ANK3: variants seen among roughly 807,000 people sequenced by gnomAD.
ANK3 encodes ankyrin 3, also known as ankyrin-3.
Under a neutral mutation model 370.9 loss-of-function variants are expected in ANK3, and 57 were observed. The observed-to-expected ratio is 0.15, with a 90% CI of 0.12 to 0.19. The LOEUF is 0.19. Ranked by LOEUF, ANK3 falls within the 10% of genes least tolerant of loss-of-function variation. ANK3 has a pLI of 1.00. For synonymous variants in ANK3, 1,929 were observed against 1,946.3 expected (o/e 0.99, Z 0.23); for missense variants, 4,439 against 5,302.1 (o/e 0.84, Z 5.06).
intron 2 of ANK3, among the ~76,000 whole-genome samples, chr10:60,589,022 A>C (rs147553126): frequency 6.6e-6 from 1 of 152,212 alleles, no homozygotes. Context: ...CAACATGTAC[A>C]TCCTGATTGT....
Position 60,029,875 on chromosome 10 carries a change from C to CTTTTTTTTTTTTTTTTTT in ANK3, c.*20-67_*20-50dup, listed in dbSNP as rs71015756. ...TGAGTTTAGCTTTCTTTTTCTTTTT[C>CTTTTTTTTTTTTTTTTTT]TTTTTTTTTTTTTTTTTTTTTTTTT... On this transcript the variant is annotated intron_variant, in intron 43 of 43. Coordinates refer to ENST00000280772, the MANE Select transcript of ANK3 (RefSeq NM_020987.5). 79 of 68,652 alleles carry CTTTTTTTTTTTTTTTTTT rather than the reference C, an allele frequency of 1.2e-3. 7 individuals carry two copies. The highest frequency in any genetic ancestry group is 3.0e-3 in the African/African-American group (46 of 15,140). 4.3% of individuals were successfully genotyped at this position (68,652 alleles called of 1,614,324 possible).
intron 1 of ANK3, among the ~76,000 whole-genome samples, chr10:60,309,194 T>G (rs1033922611): frequency 4.6e-5 from 7 of 152,206 alleles, no homozygotes; most frequent in Non-Finnish European, 8.8e-5. Flanking sequence ...GATGAAAGCA[T>G]GCTGATTTTT....
At chr10:60,409,867 T>G (rs750678620) in intron 2 of ANK3, among the ~76,000 whole-genome samples, 2 of 152,196 alleles carry the variant, frequency 1.3e-5, no homozygotes, top group Non-Finnish European at 2.9e-5. Flanking sequence ...ACCAGTGTTC[T>G]TAGCTCAGAA....
In ANK3 at chr10:60,140,407, T is replaced by G. The variant is rs541912574; in HGVS notation, c.2615-1320A>C. 8.1e-6 allele frequency: 13 copies of G among 1,613,666 alleles called. No individual in the cohort carries two copies. The East Asian group carries it at 2.9e-4, about 36-fold the overall frequency. ...GATGATCAAATGTTTTCCTGATGTTTCCAGGAATTCCTTAAGCAGTGATTT... is the reference window on the plus strand; with the variant it reads ...GATGATCAAATGTTTTCCTGATGTTGCCAGGAATTCCTTAAGCAGTGATTT... On this transcript the variant is annotated intron_variant, in intron 23 of 43. Transcript: ENST00000280772.
Position 60,067,960 on chromosome 10 carries a change from G to A in ANK3, c.12294C>T (p.Ala4098=), listed in dbSNP as rs138073935. The change falls in exon 38 of 44, where the codon GCC becomes GCT. Residue 4098 remains alanine (A), a synonymous_variant. Transcript: ENST00000280772. The part of the protein sequence containing the change: ...ERTDIRMAIV[A]DHLGLSWTEL... ...CTGTCCAACTAAGTCCCAGGTGATC[G>A]GCTACTATTGCCATCCTGATATCTG... The A allele has an allele frequency of 3.9e-5, 63 of 1,609,624 alleles. No homozygotes were observed. Among genetic ancestry groups the A allele is most frequent in the African/African-American group, 4.0e-5 (3 of 74,826 alleles).
intron 18 of ANK3, among the ~76,000 whole-genome samples, chr10:60,177,040 T>C (rs149196262): frequency 1.9e-3 from 290 of 152,348 alleles, no homozygotes; most frequent in Non-Finnish European, 2.9e-3. Context: ...CTAGTAAAAC[T>C]GCTTTTTAAT....
In ANK3 at chr10:60,075,605, G is replaced by A. The variant is rs2083614096; in HGVS notation, c.5276C>T (p.Ala1759Val). ...TNSVSSVVSA[A>V]TDTVEKVFST... ...AAACACTTTCTCAACTGTGTCAGTG[G>A]CTGCACTGACCACAGAGCTCACAGA... Residue 1759 changes from alanine to valine, a missense_variant, in exon 37 of 44, where the codon GCC becomes GTC. Around this residue, in one of 13 missense-constraint regions of ANK3, gnomAD observed 679 missense variants for 791.0 expected, o/e 0.86. Transcript: ENST00000280772. 6.2e-7 allele frequency: 1 copy of A among 1,614,020 alleles called. No homozygotes were observed. The highest frequency in any genetic ancestry group is 2.2e-5 in the East Asian group (1 of 44,864).
At chr10:60,465,792 T>TC (rs1314142406) in intron 2 of ANK3, among the ~76,000 whole-genome samples, 2 of 149,188 alleles carry the variant, frequency 1.3e-5, no homozygotes, top group African/African-American at 2.5e-5. Context: ...TTTCTTTCTT[T>TC]TTTTTTTTTT....
At chr10:60,424,916 C>T (rs1273997227) in intron 2 of ANK3, among the ~76,000 whole-genome samples, 1 of 151,846 alleles carries the variant, frequency 6.6e-6, no homozygotes, top group Non-Finnish European at 1.5e-5. Context: ...CAATTGTATA[C>T]ACAGAAAGGC....
chr10:60,290,401 CT>C (rs71015780), intron 1 of ANK3, among the ~76,000 whole-genome samples: 1 of 150,942 alleles, frequency 6.6e-6, no homozygotes, highest in Non-Finnish European at 1.5e-5. Context: ...AGCTTTTATT[CT>C]TTTTTTTTAC....
chr10:60,262,756 A>C (rs1018026865), intron 6 of ANK3, among the ~76,000 whole-genome samples: 12 of 152,214 alleles, frequency 7.9e-5, no homozygotes, highest in Non-Finnish European at 1.8e-4. Flanking sequence ...AGTGTCATGC[A>C]CAACCCTAAA....
At chr10:60,687,882 T>TA (rs1429089025) in intron 1 of ANK3, among the ~76,000 whole-genome samples, 1 of 152,172 alleles carries the variant, frequency 6.6e-6, no homozygotes, top group Admixed American at 6.5e-5. Context: ...TATTCAGCCT[T>TA]AAAAAAGGAA....
intron 2 of ANK3, among the ~76,000 whole-genome samples, chr10:60,562,114 CTTAT>C (rs983280898): frequency 4.2e-4 from 64 of 152,138 alleles, no homozygotes; most frequent in African/African-American, 1.5e-3. Flanking sequence ...CATCATTACG[CTTAT>C]TTTAAAACAC....
chr10:60,470,537 G>A (rs181333888), intron 2 of ANK3, among the ~76,000 whole-genome samples: 11 of 152,200 alleles, frequency 7.2e-5, no homozygotes, highest in East Asian at 3.9e-4. Context: ...GTCAGAATTC[G>A]TTGACTTGAG....
intron 2 of ANK3, among the ~76,000 whole-genome samples, chr10:60,575,247 C>T (rs2077669113): frequency 6.6e-6 from 1 of 151,974 alleles, no homozygotes; most frequent in African/African-American, 2.4e-5. Flanking sequence ...TAGTTGTTCG[C>T]CCATTTCTTT....
At chr10:60,261,083 T>C (rs954129351) in intron 7 of ANK3, among the ~76,000 whole-genome samples, 46 of 152,320 alleles carry the variant, frequency 3.0e-4, no homozygotes, top group African/African-American at 6.7e-4. Flanking sequence ...AATTTCATAA[T>C]TCATATTATC....
chr10:60,324,680 C>T (rs115274474), intron 1 of ANK3, among the ~76,000 whole-genome samples: 1 of 151,984 alleles, frequency 6.6e-6, no homozygotes, highest in South Asian at 2.1e-4. Flanking sequence ...TTTTTTGGAG[C>T]GCTCTCCCTT....
intron 2 of ANK3, among the ~76,000 whole-genome samples, chr10:60,585,098 A>G (rs1376292937): frequency 6.6e-6 from 1 of 152,214 alleles, no homozygotes; most frequent in East Asian, 1.9e-4. Context: ...CATTACCCTA[A>G]CAAATACTGA....
intron 23 of ANK3, among the ~76,000 whole-genome samples, chr10:60,159,494 A>G (rs1364978176): frequency 2.0e-5 from 3 of 152,194 alleles, no homozygotes; most frequent in Non-Finnish European, 4.4e-5. Context: ...CCCCATTTTC[A>G]GCATTGGACA....
Sources: allele counts gnomAD v4.1 joint callset (sites outside exome capture counted in the v4.1 genomes callset), GRCh38; gene constraint gnomAD v4.1.1; regional missense constraint gnomAD v4.1.1; transcripts MANE v1.5; gene names NCBI Gene and HGNC (gene_info 2026-07-23, HGNC 2026-07-21).